Variants in MCC observed in about 807,000 individuals in gnomAD.
MCC encodes MCC regulator of Wnt signaling pathway, also known as colorectal mutant cancer protein.
In MCC, 90 loss-of-function variants were observed where a neutral mutation model predicts 116.2. That is an observed-to-expected ratio of 0.77 (90% CI 0.65 to 0.92). The LOEUF is 0.92. MCC is among the 40% of genes least tolerant of loss of function. The pLI, the probability that MCC is intolerant of heterozygous loss-of-function variation, is 0.00. For missense variants in MCC, 1,516 were observed against 1,312.2 expected (o/e 1.16, Z -2.40); for synonymous variants, 578 against 510.5 (o/e 1.13, Z -1.78).
intron 6 of MCC, among the ~76,000 whole-genome samples, chr5:113,109,991 T>C (rs1231433928): frequency 6.6e-6 from 1 of 152,124 alleles, no homozygotes; most frequent in African/African-American, 2.4e-5. Flanking sequence ...AAAAATCTTT[T>C]TTTTTTCTCC....
At chr5:113,374,401 A>T (rs1768929862) in intron 2 of MCC, among the ~76,000 whole-genome samples, 1 of 152,098 alleles carries the variant, frequency 6.6e-6, no homozygotes, top group African/African-American at 2.4e-5. Flanking sequence ...CAACCCAAAG[A>T]GACAAACTAA....
chr5:113,212,662 C>G (rs967003584), intron 3 of MCC, among the ~76,000 whole-genome samples: 4 of 152,200 alleles, frequency 2.6e-5, no homozygotes, highest in African/African-American at 7.2e-5. Flanking sequence ...TATTCTCTCA[C>G]TTCCCAACCT....
rs1768696017 is a variant in MCC at position 113,366,661 on chromosome 5, T to C, written c.415+18307A>G. 2.0e-5 allele frequency among the ~76,000 whole-genome samples: 3 copies of C among 152,184 alleles called. No individual in the cohort carries two copies. In the South Asian group the frequency reaches 6.2e-4, roughly 32 times the overall value. Reference sequence around the variant, plus strand: ...TGTAATTTTTATGAGGTTCAGACAATAAGTAAGAGTGGCTTGGTGTGCAAG... The same window carrying C: ...TGTAATTTTTATGAGGTTCAGACAACAAGTAAGAGTGGCTTGGTGTGCAAG... On this transcript the variant is annotated intron_variant, in intron 2 of 18. Transcript: ENST00000408903.
At chr5:113,344,247 G>T (rs1768081285) in intron 2 of MCC, among the ~76,000 whole-genome samples, 2 of 152,188 alleles carry the variant, frequency 1.3e-5, no homozygotes, top group Admixed American at 6.5e-5. Context: ...ATCAGCCCTA[G>T]CCAGAGGGGA....
In MCC at chr5:113,038,532, G is replaced by A. The variant is rs186363802; in HGVS notation, c.2756+4998C>T. ...GGAGAGGGTGTCATTTCTGCTGGGA[G>A]GTGGAGGATGGGAACATCCGGATCC... On this transcript the variant is annotated intron_variant, in intron 17 of 18. Transcript: ENST00000408903. 3.3e-3 allele frequency among the ~76,000 whole-genome samples: 508 copies of A among 152,268 alleles called. 3 individuals carry two copies. The highest frequency in any genetic ancestry group is 0.012 in the African/African-American group (482 of 41,544).
intron 3 of MCC, among the ~76,000 whole-genome samples, chr5:113,222,742 C>T (rs982100586): frequency 6.6e-6 from 1 of 152,180 alleles, no homozygotes; most frequent in African/African-American, 2.4e-5. Context: ...GATACAGTGT[C>T]AAACACTCTG....
At chr5:113,128,581 G>C (rs1758230996) in intron 5 of MCC, among the ~76,000 whole-genome samples, 1 of 152,080 alleles carries the variant, frequency 6.6e-6, no homozygotes, top group African/African-American at 2.4e-5. Flanking sequence ...ACTCATCTAT[G>C]AATCTTTTGG....
At chr5:113,433,899 G>C (rs1267891011) in intron 1 of MCC, 2 of 1,613,904 alleles carry the variant, frequency 1.2e-6, no homozygotes, top group Middle Eastern at 1.6e-4. Context: ...CTCTCCCTCA[G>C]GCTCCAGCTT....
chr5:113,425,724 C>T (rs1020367559), intron 1 of MCC, among the ~76,000 whole-genome samples: 3 of 151,864 alleles, frequency 2.0e-5, no homozygotes, highest in South Asian at 2.1e-4. Flanking sequence ...CAGCTAAAAG[C>T]GTCATCAGTG....
At chr5:113,339,343 G>C (rs1393350644) in intron 3 of MCC, among the ~76,000 whole-genome samples, 2 of 151,626 alleles carry the variant, frequency 1.3e-5, no homozygotes, top group African/African-American at 4.9e-5. Context: ...TGGTATACTA[G>C]TCATAATAAA....
rs1750421365 is a variant in MCC, at chr5:113,024,869, T to C, written c.*2433A>G. Reference sequence around the variant, plus strand: ...CAAGAAAAGGAAAAACTTTTATAGCTTTTTTATTATACATATTTATAAAAA... The same window carrying C: ...CAAGAAAAGGAAAAACTTTTATAGCCTTTTTATTATACATATTTATAAAAA... On this transcript the variant is annotated 3_prime_UTR_variant, in exon 19 of 19. Transcript: ENST00000408903. 1 of 152,200 alleles carries C rather than the reference T, an allele frequency of 6.6e-6. No individual in the cohort carries two copies. Among genetic ancestry groups the C allele is most frequent in the Admixed American group, 6.5e-5 (1 of 15,290 alleles). 9.4% of individuals were successfully genotyped at this position (152,200 alleles called of 1,614,324 possible).
At chr5:113,408,755 T>C (rs746236272) in intron 1 of MCC, among the ~76,000 whole-genome samples, 21 of 152,272 alleles carry the variant, frequency 1.4e-4, no homozygotes, top group Non-Finnish European at 2.1e-4. Flanking sequence ...TTATCATGAA[T>C]ATTGGTTGTT....
At chr5:113,102,052 A>G (rs1756454278) in intron 7 of MCC, 107 bp from the exon 8 acceptor site, 1 of 1,067,118 alleles carries the variant, frequency 9.4e-7, no homozygotes. Flanking sequence ...AGTGTGTTCT[A>G]GAACCACTTT....
At chr5:113,089,882 T>C (rs1755473558) in intron 8 of MCC, among the ~76,000 whole-genome samples, 6 of 152,120 alleles carry the variant, frequency 3.9e-5, no homozygotes, top group Admixed American at 3.9e-4. Flanking sequence ...AAGAAAAACA[T>C]AAAGAGAAGC....
chr5:113,395,138 A>G (rs781300932), intron 1 of MCC, among the ~76,000 whole-genome samples: 20 of 152,212 alleles, frequency 1.3e-4, no homozygotes, highest in Non-Finnish European at 2.4e-4. Flanking sequence ...ATAAATGCAT[A>G]ACAAATAAAT....
chr5:113,282,574 C>T (rs1766089938), intron 3 of MCC, among the ~76,000 whole-genome samples: 2 of 152,118 alleles, frequency 1.3e-5, no homozygotes, highest in African/African-American at 4.8e-5. Flanking sequence ...TTAAATCTAC[C>T]TATTCTAAGC....
intron 4 of MCC, 152 bp downstream of exon 4, chr5:113,151,157 T>G (rs1245379030): frequency 1.8e-6 from 1 of 565,688 alleles, no homozygotes; most frequent in Non-Finnish European, 3.1e-6. Flanking sequence ...TCTATGGCAT[T>G]TGTTACAGCA....
At chr5:113,093,273 C>T (rs1188316161) in intron 8 of MCC, among the ~76,000 whole-genome samples, 3 of 152,060 alleles carry the variant, frequency 2.0e-5, no homozygotes, top group African/African-American at 7.2e-5. Flanking sequence ...GTCCTGAGTG[C>T]CAAATTACAA....
At chr5:113,093,835 C>T (rs1755820745) in intron 8 of MCC, among the ~76,000 whole-genome samples, 1 of 152,084 alleles carries the variant, frequency 6.6e-6, no homozygotes, top group Admixed American at 6.5e-5. Context: ...TTTTATTAGC[C>T]ATAAAAGAAA....
Sources: gnomAD v4.1 joint callset for allele counts (sites outside exome capture counted in the v4.1 genomes callset) on GRCh38, gnomAD v4.1.1 for gene constraint, MANE v1.5 for transcripts, NCBI Gene and HGNC (gene_info 2026-07-23, HGNC 2026-07-21) for gene names.